Variants in GARNL3 observed in about 807,000 individuals in gnomAD.
GARNL3 encodes the protein GTPase activating Rap/RanGAP domain like 3.
Under a neutral mutation model 125.0 loss-of-function variants are expected in GARNL3, and 63 were observed. The observed-to-expected ratio is 0.50, with a 90% CI of 0.41 to 0.62. The LOEUF is 0.62. Among genes scored for constraint, GARNL3 ranks in the 20% least tolerant of loss-of-function variants. The pLI, the probability that GARNL3 is intolerant of heterozygous loss-of-function variation, is 0.00. For missense variants in GARNL3, 994 were observed against 1,244.0 expected (o/e 0.80, Z 3.02); for synonymous variants, 439 against 457.5 (o/e 0.96, Z 0.52).
At position 127,320,790 on chromosome 9, in the gene GARNL3, T is replaced by C; in HGVS notation, c.567+12T>C. 6.4e-7 allele frequency: 1 copy of C among 1,551,288 alleles called. No homozygotes were observed. Among genetic ancestry groups the C allele is most frequent in the Non-Finnish European group, 8.9e-7 (1 of 1,123,180 alleles). On this transcript the variant is annotated intron_variant, in intron 6 of 27. Transcript: ENST00000373387. ...CTGAAATACAAAAGGTAACAGAAAATTTTATGCTTCATAATTGTACAAAAT... is the reference window on the plus strand; with the variant it reads ...CTGAAATACAAAAGGTAACAGAAAACTTTATGCTTCATAATTGTACAAAAT...
intron 6 of GARNL3, among the ~76,000 whole-genome samples, chr9:127,321,399 T>C (rs1417595011): frequency 6.6e-6 from 1 of 152,220 alleles, no homozygotes; most frequent in Admixed American, 6.5e-5. Flanking sequence ...ATTACAGGCG[T>C]GAGCCACCAC....
Position 127,383,530 on chromosome 9 carries a change from G to A in GARNL3, c.2254G>A (p.Ala752Thr), listed in dbSNP as rs34608132. Residue 752 changes from alanine (A) to threonine (T), a missense_variant, in exon 23 of 28, where the codon GCT becomes ACT. By Grantham distance (58) the Ala-to-Thr change is moderately conservative. Coordinates refer to ENST00000373387, the MANE Select transcript of GARNL3 (RefSeq NM_032293.5). Reference protein sequence around the residue: ...ASDFQFCWNQAPYAIVCAFPY... With the variant: ...ASDFQFCWNQTPYAIVCAFPY... ...AGATTTCCAGTTCTGTTGGAACCAG[G>A]CTCCCTATGCAATTGGTAAGAAAAG... 1 of 1,610,094 alleles carries A rather than the reference G, an allele frequency of 6.2e-7. No homozygotes were observed. Among genetic ancestry groups the A allele is most frequent in the Non-Finnish European group, 8.5e-7 (1 of 1,177,792 alleles).
At chr9:127,375,329 G>A (rs1407999467) in intron 22 of GARNL3, among the ~76,000 whole-genome samples, 2 of 152,002 alleles carry the variant, frequency 1.3e-5, no homozygotes, top group South Asian at 2.1e-4. Flanking sequence ...AGCCAGGCGC[G>A]GTGGCAGGCA....
chr9:127,325,553 A>G (rs2065543263), intron 7 of GARNL3, among the ~76,000 whole-genome samples: 1 of 152,216 alleles, frequency 6.6e-6, no homozygotes, highest in Admixed American at 6.5e-5. Context: ...TCAATAGGCA[A>G]TGGAGTAAAT....
At chr9:127,310,137 C>A (rs2065055648) in intron 2 of GARNL3, among the ~76,000 whole-genome samples, 1 of 151,574 alleles carries the variant, frequency 6.6e-6, no homozygotes, top group Non-Finnish European at 1.5e-5. Flanking sequence ...GAGCATACAT[C>A]AAAATAAATG....
chr9:127,361,030 C>G (rs1830969031), intron 21 of GARNL3, among the ~76,000 whole-genome samples: 1 of 152,104 alleles, frequency 6.6e-6, no homozygotes, highest in Admixed American at 6.5e-5. Context: ...GATCTGGGTC[C>G]CTGGTTTATG....
intron 9 of GARNL3, among the ~76,000 whole-genome samples, chr9:127,334,243 A>AAG (rs1829425835): frequency 1.3e-5 from 2 of 152,164 alleles, no homozygotes; most frequent in African/African-American, 4.8e-5. Context: ...TCACCATCTC[A>AAG]TTTTTGTGTA....
At chr9:127,356,818 A>T (rs1437527516) in intron 20 of GARNL3, among the ~76,000 whole-genome samples, 3 of 152,194 alleles carry the variant, frequency 2.0e-5, no homozygotes, top group African/African-American at 7.2e-5. Context: ...AGCTGTACCT[A>T]CCTTATAAGT....
Position 127,364,962 on chromosome 9 carries a change from G to T in GARNL3, c.2095-338G>T, listed in dbSNP as rs539532793. On this transcript the variant is annotated intron_variant, in intron 21 of 27. Transcript: ENST00000373387. This position sits in a 1 kb window ranked among gnomAD's most constrained non-coding sequence, Gnocchi z 4.2. Reference sequence around the variant, plus strand: ...AAAAGTAATTGCAGTTTTTGCCATTGGAAATAATGGCATATAAACCTGAGG... The same window carrying T: ...AAAAGTAATTGCAGTTTTTGCCATTTGAAATAATGGCATATAAACCTGAGG... 3.1e-5 allele frequency: 8 copies of T among 256,362 alleles called. No homozygotes were observed. Among genetic ancestry groups the T allele is most frequent in the African/African-American group, 1.3e-4 (6 of 44,644 alleles). The allele number at this position is 256,362 out of a possible 1,614,324, so 15.9% of individuals were successfully genotyped here. A position where few individuals can be genotyped will look rare whatever the true frequency, so the allele number is the denominator to read the frequency against.
At chr9:127,324,326 T>C (rs529642817) in intron 6 of GARNL3, among the ~76,000 whole-genome samples, 1 of 152,322 alleles carries the variant, frequency 6.6e-6, no homozygotes, top group African/African-American at 2.4e-5. Flanking sequence ...TTCTGTTAAA[T>C]AAAATGGAGG....
At chr9:127,231,048 A>ATTTTTTTT (rs1437296463) in intron 1 of GARNL3, among the ~76,000 whole-genome samples, 13 of 43,676 alleles carry the variant, frequency 3.0e-4, no homozygotes, top group African/African-American at 1.5e-3. Flanking sequence ...ATATATATAT[A>ATTTTTTTT]TATTTTTTTT....
intron 1 of GARNL3, among the ~76,000 whole-genome samples, chr9:127,284,627 TG>T (rs1490609454): frequency 1.6e-4 from 24 of 152,066 alleles, no homozygotes; most frequent in Non-Finnish European, 2.6e-4. Flanking sequence ...GCATTGAAAA[TG>T]TGAATTTTTC....
chr9:127,310,631 G>A (rs1052510975), intron 2 of GARNL3, among the ~76,000 whole-genome samples: 7 of 151,870 alleles, frequency 4.6e-5, no homozygotes, highest in South Asian at 2.1e-4. Flanking sequence ...AAAATTAGCC[G>A]GGCAAGGGGG....
intron 11 of GARNL3, 82 bp downstream of exon 11, chr9:127,336,318 C>A: frequency 1.1e-6 from 1 of 879,118 alleles, no homozygotes; most frequent in Non-Finnish European, 1.8e-6. Flanking sequence ...TAAACCAAAT[C>A]TTGTCATGGA....
chr9:127,324,009 G>A (rs1180371436), intron 6 of GARNL3, among the ~76,000 whole-genome samples: 1 of 152,112 alleles, frequency 6.6e-6, no homozygotes, highest in Non-Finnish European at 1.5e-5. Context: ...CAGCACTTTG[G>A]GAGGCTGAAG....
At chr9:127,291,073 C>A in intron 1 of GARNL3, 95 bp from the exon 2 acceptor site, 1 of 1,280,372 alleles carries the variant, frequency 7.8e-7, no homozygotes, top group Non-Finnish European at 1.1e-6. Context: ...GCACTCCAGC[C>A]TGTGTCCTTA....
chr9:127,369,007 T>A (rs978857506), intron 22 of GARNL3: 3 of 152,112 alleles, frequency 2.0e-5, no homozygotes, highest in African/African-American at 7.2e-5. Context: ...AATCTGCTGC[T>A]TCCCCTGCCT....
chr9:127,380,652 C>T (rs972893273), intron 22 of GARNL3, among the ~76,000 whole-genome samples: 3 of 152,114 alleles, frequency 2.0e-5, no homozygotes, highest in Admixed American at 6.5e-5. Context: ...TCGAAAACAT[C>T]GAGCTCAGTC....
intron 1 of GARNL3, among the ~76,000 whole-genome samples, chr9:127,274,831 G>T (rs2063911890): frequency 6.6e-6 from 1 of 152,184 alleles, no homozygotes; most frequent in Non-Finnish European, 1.5e-5. Flanking sequence ...AAAGGAAATT[G>T]AGTACAGCAG....
Sources: gnomAD v4.1 joint callset for allele counts (sites outside exome capture counted in the v4.1 genomes callset) on GRCh38, gnomAD v4.1.1 for gene constraint, Gnocchi (gnomAD v3.1) non-coding constraint, MANE v1.5 for transcripts, NCBI Gene and HGNC (gene_info 2026-07-23, HGNC 2026-07-21) for gene names.